MYOZ2: variants seen among roughly 807,000 people sequenced by gnomAD.
MYOZ2 encodes the protein myozenin 2, also known as myozenin-2.
Under a neutral mutation model 25.4 loss-of-function variants are expected in MYOZ2, and 19 were observed. That is an observed-to-expected ratio of 0.75 (90% confidence interval 0.52 to 1.10). The LOEUF (loss-of-function observed/expected upper bound fraction) is 1.10, where lower values mean the gene tolerates loss of function less well. Among genes scored for constraint, MYOZ2 ranks in the 50% least tolerant of loss-of-function variants. The pLI is 0.00. For missense variants in MYOZ2, 270 were observed against 317.9 expected, an observed-to-expected ratio of 0.85 and a Z score of 1.15; for synonymous variants, 92 against 106.9, an observed-to-expected ratio of 0.86 and a Z score of 0.86.
intron 5 of MYOZ2, among the ~76,000 whole-genome samples, chr4:119,168,243 A>G (rs1439439225): frequency 2.0e-5 from 3 of 152,210 alleles, no homozygotes; most frequent in African/African-American, 7.2e-5. Flanking sequence ...AAGTGCTGGG[A>G]TTATGGGCGT....
chr4:119,145,634 C>G (rs1176600105), intron 2 of MYOZ2, among the ~76,000 whole-genome samples: 1 of 151,812 alleles, frequency 6.6e-6, no homozygotes, highest in African/African-American at 2.4e-5. Context: ...TCAGGCCTCC[C>G]AAACTGCTAG....
chr4:119,151,152 C>A lies in MYOZ2; in HGVS notation c.246+111C>A, dbSNP rs114409596. ...TCTATATATTTTCTTTCAATTTATTCTGTTAGGCTATTTTTTTTTTATCAT... is the reference window on the plus strand; with the variant it reads ...TCTATATATTTTCTTTCAATTTATTATGTTAGGCTATTTTTTTTTTATCAT... On this transcript the variant is annotated intron_variant, in intron 3 of 5. Coordinates refer to ENST00000307128, the MANE Select transcript of MYOZ2 (RefSeq NM_016599.5). 287 of 1,131,722 alleles carry A rather than the reference C, an allele frequency of 2.5e-4. 2 individuals are homozygous for A. The African/African-American group carries it at 4.7e-3, about 19-fold the overall frequency. 70.1% of individuals were successfully genotyped at this position (1,131,722 alleles called of 1,614,324 possible).
In MYOZ2 at chr4:119,173,805, C is replaced by T. The variant is rs573585765; in HGVS notation, c.560+9411C>T. 3.5e-4 allele frequency among the ~76,000 whole-genome samples: 54 copies of T among 152,318 alleles called. 1 individual carries two copies. Among genetic ancestry groups the T allele is most frequent in the African/African-American group, 1.3e-3 (53 of 41,582 alleles). On this transcript the variant is annotated intron_variant, in intron 5 of 5. Transcript: ENST00000307128. Reference sequence around the variant, plus strand: ...GTGGAGGGAGAGGCCCGAGCGGGAACCGGGGCTGCGTGGGACGCTTGCTGG... The same window carrying T: ...GTGGAGGGAGAGGCCCGAGCGGGAATCGGGGCTGCGTGGGACGCTTGCTGG...
intron 5 of MYOZ2, among the ~76,000 whole-genome samples, chr4:119,167,995 C>T (rs368118245): frequency 8.7e-5 from 13 of 149,750 alleles, no homozygotes; most frequent in African/African-American, 2.5e-4. Context: ...TGTTTTGAGA[C>T]GGAGTCTCGC....
intron 2 of MYOZ2, among the ~76,000 whole-genome samples, chr4:119,149,880 A>T (rs1168230553): frequency 6.6e-6 from 1 of 152,222 alleles, no homozygotes; most frequent in East Asian, 1.9e-4. Flanking sequence ...AGAAAATTTA[A>T]CAAGTAATTC....
At chr4:119,164,155 G>A in intron 4 of MYOZ2, 56 bp from the exon 5 acceptor site, 3 of 1,480,658 alleles carry the variant, frequency 2.0e-6, no homozygotes, top group Non-Finnish European at 2.8e-6. Context: ...ATGTTAGGTG[G>A]AGGTTAGTAA....
At chr4:119,145,506 CTGTGTGTGTGTGTGTGTGTGTG>C (rs200111377) in intron 2 of MYOZ2, among the ~76,000 whole-genome samples, 2,771 of 128,220 alleles carry the variant, frequency 0.022, 108 homozygotes, top group African/African-American at 0.076. Context: ...CCAGCTAAAA[CTGTGTGTGTGTGTGTGTGTGTG>C]TGTGTGTGTG....
chr4:119,165,670 G>T lies in MYOZ2; in HGVS notation c.560+1276G>T, dbSNP rs74214732. On this transcript the variant is annotated intron_variant, in intron 5 of 5. Coordinates refer to ENST00000307128, the MANE Select transcript of MYOZ2 (RefSeq NM_016599.5). ...GAGTGGCAGGGAAAGAAAGTTGGAGGCCCATTCTGATCAATGTTATAATTT... is the reference window on the plus strand; with the variant it reads ...GAGTGGCAGGGAAAGAAAGTTGGAGTCCCATTCTGATCAATGTTATAATTT... Among the ~76,000 whole-genome samples, 100 of 151,408 alleles carry T rather than the reference G, an allele frequency of 6.6e-4. 1 individual carries two copies. In the East Asian group the frequency reaches 0.018, roughly 28 times the overall value.
At chr4:119,170,657 A>G (rs1741928856) in intron 5 of MYOZ2, among the ~76,000 whole-genome samples, 2 of 152,218 alleles carry the variant, frequency 1.3e-5, no homozygotes, top group Non-Finnish European at 2.9e-5. Flanking sequence ...AATAGGATTT[A>G]AGATGCAGAA....
At chr4:119,157,971 T>G (rs201679064) in intron 3 of MYOZ2, 51 bp from the exon 4 acceptor site, 2 of 1,603,712 alleles carry the variant, frequency 1.2e-6, no homozygotes, top group South Asian at 2.2e-5. Context: ...CTCCTATTAT[T>G]GTGCTTACAT....
rs112322014 is a variant in MYOZ2 at position 119,162,665 on chromosome 4, C to T, written c.377-1546C>T. Reference sequence around the variant, plus strand: ...GAAGCCAGACTCCTGGAGGGAGGATCCTATTATCTACATTTTAAATACGTA... The same window carrying T: ...GAAGCCAGACTCCTGGAGGGAGGATTCTATTATCTACATTTTAAATACGTA... On this transcript the variant is annotated intron_variant, in intron 4 of 5. Transcript: ENST00000307128. Among the ~76,000 whole-genome samples, 597 of 152,232 alleles carry T rather than the reference C, an allele frequency of 3.9e-3. 4 individuals are homozygous for T. The highest frequency in any genetic ancestry group is 0.014 in the African/African-American group (571 of 41,538).
intron 3 of MYOZ2, among the ~76,000 whole-genome samples, chr4:119,152,686 A>G (rs1227196437): frequency 6.6e-6 from 1 of 152,156 alleles, no homozygotes; most frequent in Non-Finnish European, 1.5e-5. Context: ...CTGGGCGCTG[A>G]ATAAATAAAA....
At position 119,151,690 on chromosome 4, in the gene MYOZ2, A is replaced by G. The variant is rs1194064376; in HGVS notation, c.246+649A>G. 2.0e-5 allele frequency among the ~76,000 whole-genome samples: 3 copies of G among 152,226 alleles called. No homozygotes were observed. In the East Asian group the frequency reaches 5.8e-4, roughly 29 times the overall value. Reference sequence around the variant, plus strand: ...AGAGACTGTAGAGGAAAAAGTTGATAGTAGAAAGGCAACCAGCTTTGGGAA... The same window carrying G: ...AGAGACTGTAGAGGAAAAAGTTGATGGTAGAAAGGCAACCAGCTTTGGGAA... On this transcript the variant is annotated intron_variant, in intron 3 of 5. Coordinates refer to ENST00000307128, the MANE Select transcript of MYOZ2 (RefSeq NM_016599.5).
chr4:119,154,567 C>T (rs1741527207), intron 3 of MYOZ2, among the ~76,000 whole-genome samples: 1 of 152,074 alleles, frequency 6.6e-6, no homozygotes, highest in African/African-American at 2.4e-5. Flanking sequence ...GAAGGTATTA[C>T]AATTCCTGGA....
intron 5 of MYOZ2, among the ~76,000 whole-genome samples, chr4:119,185,161 C>A (rs1378884908): frequency 6.7e-6 from 1 of 150,044 alleles, no homozygotes; most frequent in African/African-American, 2.5e-5. Context: ...GTTTCCTTTC[C>A]CTTCTCCTTT....
chr4:119,182,979 A>C (rs1347854887), intron 5 of MYOZ2, among the ~76,000 whole-genome samples: 2 of 152,138 alleles, frequency 1.3e-5, no homozygotes, highest in Non-Finnish European at 2.9e-5. Flanking sequence ...TGTTTTAATT[A>C]ATTCTTTAAT....
intron 2 of MYOZ2, among the ~76,000 whole-genome samples, chr4:119,143,427 C>T (rs996445122): frequency 6.6e-6 from 1 of 152,162 alleles, no homozygotes; most frequent in Admixed American, 6.5e-5. Context: ...AACTCCTGAC[C>T]TCATGATCTG....
chr4:119,167,812 A>G (rs1486070952), intron 5 of MYOZ2, among the ~76,000 whole-genome samples: 1 of 152,248 alleles, frequency 6.6e-6, no homozygotes, highest in Admixed American at 6.5e-5. Flanking sequence ...CAAAGCCTGA[A>G]TGACAGCACA....
rs767890787 is a variant in MYOZ2, at chr4:119,164,377, T to C, written c.543T>C (p.Asp181=). The C allele has an allele frequency of 1.2e-6, 2 of 1,614,048 alleles. No individual in the cohort carries two copies. Among genetic ancestry groups the C allele is most frequent in the East Asian group, 2.2e-5 (1 of 44,854 alleles). Residue 181 remains aspartate, a synonymous_variant, in exon 5 of 6, where the codon GAT becomes GAC. Coordinates refer to ENST00000307128, the MANE Select transcript of MYOZ2 (RefSeq NM_016599.5). ...CTGAAGGAAAGGCAGAACTGCCTGA[T>C]TACAGGAGCTTTAACAGGTAATTCA... The part of the protein sequence containing the change: ...FKPEGKAELP[D]YRSFNRVATP...
Sources: gnomAD v4.1 joint callset for allele counts (sites outside exome capture counted in the v4.1 genomes callset) on GRCh38, gnomAD v4.1.1 for gene constraint, MANE v1.5 for transcripts, NCBI Gene and HGNC (gene_info 2026-07-23, HGNC 2026-07-21) for gene names.